Variants in DAB1 observed in about 807,000 individuals in gnomAD.
DAB1 encodes the protein disabled homolog 1.
Under a neutral mutation model 64.6 loss-of-function variants are expected in DAB1, and 15 were observed. The ratio of observed to expected loss-of-function variants is 0.23; its 90% CI spans 0.16 to 0.36. DAB1 has a LOEUF of 0.36. Among genes scored for constraint, DAB1 ranks in the 10% least tolerant of loss-of-function variants. The probability of loss-of-function intolerance (pLI) is 1.00; values close to 1 mark genes in which losing one functional copy is unlikely to be tolerated. For missense variants in DAB1, 596 were observed against 706.7 expected (o/e 0.84, Z 1.78); for synonymous variants, 235 against 251.9 (o/e 0.93, Z 0.64).
chr1:57,856,393 C>T (rs944801892), intron 1 of DAB1, among the ~76,000 whole-genome samples: 1 of 152,174 alleles, frequency 6.6e-6, no homozygotes, highest in African/African-American at 2.4e-5. Context: ...GTATGCTGCA[C>T]ACAGCTTTTT....
chr1:57,409,055 T>C (rs1023904377), intron 1 of DAB1, among the ~76,000 whole-genome samples: 2 of 152,134 alleles, frequency 1.3e-5, no homozygotes, highest in African/African-American at 2.4e-5. Context: ...AGAACATCCA[T>C]GTGTGGTGCC....
chr1:57,929,722 A>G (rs1390009020), intron 5 of DAB1, among the ~76,000 whole-genome samples: 1 of 152,164 alleles, frequency 6.6e-6, no homozygotes, highest in African/African-American at 2.4e-5. Flanking sequence ...ACATGGTAGA[A>G]AAGGTCCAAG....
At chr1:58,053,293 A>C (rs1227563177) in intron 5 of DAB1, among the ~76,000 whole-genome samples, 2 of 152,182 alleles carry the variant, frequency 1.3e-5, no homozygotes, top group Non-Finnish European at 2.9e-5. Context: ...CATTTGGCTC[A>C]CAATTCTGAT....
intron 1 of DAB1, among the ~76,000 whole-genome samples, chr1:57,392,927 G>A (rs1409512098): frequency 6.6e-6 from 1 of 152,216 alleles, no homozygotes; most frequent in Non-Finnish European, 1.5e-5. Context: ...TCCCTTAAGA[G>A]ACAGTATCAT....
chr1:57,823,784 A>G (rs1302613553), downstream of DAB1, among the ~76,000 whole-genome samples: 1 of 152,158 alleles, frequency 6.6e-6, no homozygotes, highest in African/African-American at 2.4e-5. Flanking sequence ...GGCATATGTC[A>G]TCTAATAGAA....
chr1:57,144,693 CAA>C (rs1175603284), intron 3 of DAB1, among the ~76,000 whole-genome samples: 3 of 99,188 alleles, frequency 3.0e-5, no homozygotes, highest in Non-Finnish European at 2.1e-5. Context: ...GACTCCTTCT[CAA>C]AAAAAAAAAA....
intron 4 of DAB1, among the ~76,000 whole-genome samples, chr1:57,072,998 C>G (rs1651652581): frequency 6.6e-6 from 1 of 152,174 alleles, no homozygotes; most frequent in Non-Finnish European, 1.5e-5. Context: ...ATTGGTAGAT[C>G]TCTCTGCCTG....
intron 6 of DAB1, among the ~76,000 whole-genome samples, chr1:57,691,206 T>G (rs1646759755): frequency 6.6e-6 from 1 of 152,072 alleles, no homozygotes. Context: ...TAAAGGATTG[T>G]AAAGGCACCA....
At chr1:57,798,312 A>C (rs1369418189) in intron 6 of DAB1, among the ~76,000 whole-genome samples, 1 of 152,210 alleles carries the variant, frequency 6.6e-6, no homozygotes, top group East Asian at 1.9e-4. Context: ...GGCAAACCTG[A>C]GTGGGGAATG....
At chr1:57,812,319 C>CAA (rs67005172) in intron 6 of DAB1, among the ~76,000 whole-genome samples, 5 of 101,206 alleles carry the variant, frequency 4.9e-5, no homozygotes, top group African/African-American at 1.9e-4. Context: ...GATTCATTGC[C>CAA]AAAAAAAAAA....
At chr1:57,977,924 C>A (rs1037322119) in intron 5 of DAB1, among the ~76,000 whole-genome samples, 8 of 152,156 alleles carry the variant, frequency 5.3e-5, no homozygotes, top group Non-Finnish European at 1.2e-4. Flanking sequence ...AGGACACAAA[C>A]AAATGGACAA....
At chr1:57,731,043 CA>C (rs928078016) in intron 6 of DAB1, among the ~76,000 whole-genome samples, 1 of 152,130 alleles carries the variant, frequency 6.6e-6, no homozygotes, top group Non-Finnish European at 1.5e-5. Context: ...GCATTATGCA[CA>C]GGAACTAAAA....
At chr1:57,965,336 T>C (rs972773180) in intron 5 of DAB1, among the ~76,000 whole-genome samples, 2 of 152,186 alleles carry the variant, frequency 1.3e-5, no homozygotes, top group African/African-American at 4.8e-5. Flanking sequence ...ACCAAGAATA[T>C]GGCATCAGGA....
intron 5 of DAB1, among the ~76,000 whole-genome samples, chr1:58,145,829 C>T (rs1557670331): frequency 6.6e-6 from 1 of 152,226 alleles, no homozygotes; most frequent in Non-Finnish European, 1.5e-5. Context: ...CTGACTGCTG[C>T]TCCCAGTCTA....
chr1:58,324,347 A>T (rs1662770912), intron 4 of DAB1, among the ~76,000 whole-genome samples: 1 of 152,208 alleles, frequency 6.6e-6, no homozygotes, highest in African/African-American at 2.4e-5. Context: ...ATTCATAAAA[A>T]TTATTTGTAT....
chr1:57,997,089 A>C (rs1262684260), intron 5 of DAB1, among the ~76,000 whole-genome samples: 2 of 152,132 alleles, frequency 1.3e-5, no homozygotes, highest in Admixed American at 1.3e-4. Flanking sequence ...CTCCCAGTAC[A>C]TAAAAAAACA....
chr1:57,386,987 A>G (rs1401384854), intron 1 of DAB1: 2 of 122,096 alleles, frequency 1.6e-5, no homozygotes, highest in Non-Finnish European at 3.6e-5. Context: ...CCCTTACAGG[A>G]CTCTCAGCAG....
intron 4 of DAB1, chr1:58,228,572 C>A (rs1170710016): frequency 2.0e-5 from 9 of 440,430 alleles, no homozygotes; most frequent in Middle Eastern, 7.2e-4. Context: ...GGAGGGGGGA[C>A]TCTAGGAAGC....
chr1:58,137,570 C>G (rs761679217), intron 5 of DAB1, among the ~76,000 whole-genome samples: 14 of 152,098 alleles, frequency 9.2e-5, no homozygotes, highest in Non-Finnish European at 1.8e-4. Flanking sequence ...CCTCTATCAC[C>G]CTCTATGCAT....
Sources: gnomAD v4.1 joint callset for allele counts (sites outside exome capture counted in the v4.1 genomes callset) on GRCh38, gnomAD v4.1.1 for gene constraint, MANE v1.5 for transcripts, NCBI Gene and HGNC (gene_info 2026-07-23, HGNC 2026-07-21) for gene names.